Variants in DHX29 observed in about 807,000 individuals in gnomAD.
The protein encoded by DHX29 is ATP-dependent RNA helicase DHX29.
Under a neutral mutation model 167.9 loss-of-function variants are expected in DHX29, and 79 were observed. The observed-to-expected ratio is 0.47, with a 90% CI of 0.39 to 0.57. DHX29 has a LOEUF of 0.57. Among genes scored for constraint, DHX29 ranks in the 20% least tolerant of loss-of-function variants. The pLI is 0.00. For missense variants in DHX29, 1,347 were observed against 1,593.4 expected, an observed-to-expected ratio of 0.85 and a Z score of 2.63; for synonymous variants, 530 against 546.0, an observed-to-expected ratio of 0.97 and a Z score of 0.41.
chr5:55,266,105 T>C (rs1221852252), intron 23 of DHX29, among the ~76,000 whole-genome samples: 1 of 151,994 alleles, frequency 6.6e-6, no homozygotes, highest in Non-Finnish European at 1.5e-5. Flanking sequence ...GTGCAAGCAA[T>C]TCTCTGCCTC....
chr5:55,277,244 A>C lies in DHX29; in HGVS notation c.2148T>G (p.Ile716Met). 1 of 1,609,426 alleles carries C rather than the reference A, an allele frequency of 6.2e-7. No homozygotes were observed. Among genetic ancestry groups the C allele is most frequent in the Non-Finnish European group, 8.5e-7 (1 of 1,176,902 alleles). ...GTTTCTGTAAAATTTCCTTCAAGAT[A>C]ATTAGTAGGAAGTCTGACTGGACAC... The part of the protein sequence containing the change: ...ERSVQSDFLL[I>M]ILKEILQKRS... The change falls in exon 13 of 27, where the codon ATT becomes ATG. Residue 716 changes from isoleucine to methionine, a missense_variant. Transcript: ENST00000251636.
chr5:55,273,571 T>G (rs1246567228), intron 16 of DHX29, 194 bp from the exon 17 acceptor site: 1 of 609,824 alleles, frequency 1.6e-6, no homozygotes, highest in East Asian at 3.7e-5. Flanking sequence ...AAACAAATTA[T>G]GCGAATAGGA....
intron 7 of DHX29, 85 bp from the exon 8 acceptor site, chr5:55,289,513 C>T (rs1331708432): frequency 1.2e-5 from 13 of 1,126,678 alleles, no homozygotes; most frequent in African/African-American, 1.7e-5. Context: ...GGTATTTATA[C>T]ACCAAGAGTT....
At chr5:55,305,638 T>C (rs1210010439) in intron 1 of DHX29, among the ~76,000 whole-genome samples, 1 of 152,128 alleles carries the variant, frequency 6.6e-6, no homozygotes, top group Non-Finnish European at 1.5e-5. Context: ...AAGACTTCGT[T>C]GCTACTCCAG....
chr5:55,290,196 C>G lies in DHX29; in HGVS notation c.907+22G>C, dbSNP rs1314002985. 1.8e-5 allele frequency: 28 copies of G among 1,596,172 alleles called. No homozygotes were observed. The Admixed American group carries it at 4.9e-4, about 28-fold the overall frequency. ...ATAGAAGACAATTACATTTATACATCTAAGTATTTGAAAGTGTTTACCTCT... is the reference window on the plus strand; with the variant it reads ...ATAGAAGACAATTACATTTATACATGTAAGTATTTGAAAGTGTTTACCTCT... On this transcript the variant is annotated intron_variant, in intron 7 of 26. Transcript: ENST00000251636.
At chr5:55,286,442 T>G (rs1747734834) in intron 8 of DHX29, among the ~76,000 whole-genome samples, 1 of 152,150 alleles carries the variant, frequency 6.6e-6, no homozygotes, top group Admixed American at 6.5e-5. Context: ...CTTAGGATAC[T>G]ACAAATTGCA....
Position 55,296,237 on chromosome 5 carries a change from C to G in DHX29, c.488G>C (p.Cys163Ser), listed in dbSNP as rs770382930. 2.0e-5 allele frequency: 32 copies of G among 1,612,446 alleles called. No homozygotes were observed. Among genetic ancestry groups the G allele is most frequent in the Non-Finnish European group, 2.4e-5 (28 of 1,179,366 alleles). The stretch of plus-strand genomic sequence containing the variant: ...TTGTTTACCATCTGAAAGGTTTAAA[C>G]AGAGCCAATCCAAGGCAGAATGAAG... ...GDLHSALDWL[C>S]LNLSDDALPE... Residue 163 changes from cysteine (C) to serine (S), a missense_variant, in exon 4 of 27, where the codon TGT (cysteine) becomes TCT (serine). Coordinates refer to ENST00000251636, the MANE Select transcript of DHX29 (RefSeq NM_019030.4).
intron 23 of DHX29, among the ~76,000 whole-genome samples, chr5:55,264,960 C>T (rs1425598290): frequency 2.0e-5 from 3 of 151,624 alleles, no homozygotes; most frequent in Non-Finnish European, 2.9e-5. Flanking sequence ...ACAATAGGTC[C>T]GAGTGTTATC....
At chr5:55,302,586 C>T (rs1285650276) in intron 1 of DHX29, among the ~76,000 whole-genome samples, 1 of 141,968 alleles carries the variant, frequency 7.0e-6, no homozygotes, top group Non-Finnish European at 1.5e-5. Flanking sequence ...GACAGAGTGA[C>T]CCTATCAAAA....
intron 11 of DHX29, 86 bp downstream of exon 11, chr5:55,283,117 T>C: frequency 6.9e-7 from 1 of 1,439,332 alleles, no homozygotes; most frequent in Non-Finnish European, 9.3e-7. Flanking sequence ...AAAACTCACA[T>C]ATGGTACACA....
Position 55,290,302 on chromosome 5 carries a change from T to C in DHX29, c.823A>G (p.Lys275Glu). ...AGTTTAAAGGTAGCTGCTTGTTCTTTTGCATCCAGCAGTTTTGCTGCAAGA... is the reference window on the plus strand; with the variant it reads ...AGTTTAAAGGTAGCTGCTTGTTCTTCTGCATCCAGCAGTTTTGCTGCAAGA... ...LHLAAKLLDA[K>E]EQAATFKLEK... The change falls in exon 7 of 27, where the codon AAA becomes GAA. Residue 275 changes from lysine (K) to glutamate (E), a missense_variant. Transcript: ENST00000251636. 6.2e-6 allele frequency: 10 copies of C among 1,612,382 alleles called. No individual in the cohort carries two copies. Among genetic ancestry groups the C allele is most frequent in the Non-Finnish European group, 8.5e-6 (10 of 1,179,752 alleles).
At chr5:55,296,109 G>T in intron 4 of DHX29, 111 bp downstream of exon 4, 1 of 1,178,206 alleles carries the variant, frequency 8.5e-7, no homozygotes, top group Non-Finnish European at 1.2e-6. Context: ...CACTTTAAAA[G>T]TAAATAATTA....
In DHX29 at chr5:55,262,762, G is replaced by T. The variant is rs1225536263; in HGVS notation, c.3696C>A (p.Ile1232=). 6.2e-7 allele frequency: 1 copy of T among 1,614,064 alleles called. No individual in the cohort carries two copies. Among genetic ancestry groups the T allele is most frequent in the Non-Finnish European group, 8.5e-7 (1 of 1,179,996 alleles). ...CTGTAACATCCACTGACTTTGTATAGATTATCTTCCCCACATTGTCATACA... is the reference window on the plus strand; with the variant it reads ...CTGTAACATCCACTGACTTTGTATATATTATCTTCCCCACATTGTCATACA... ...AGLYDNVGKI[I]YTKSVDVTEK... is the part of the protein sequence containing the mutation. Residue 1232 remains isoleucine (I), a synonymous_variant, in exon 24 of 27, where the codon ATC becomes ATA. Coordinates refer to ENST00000251636, the MANE Select transcript of DHX29 (RefSeq NM_019030.4).
chr5:55,257,983 A>G (rs959408907), intron 26 of DHX29, among the ~76,000 whole-genome samples: 6 of 152,228 alleles, frequency 3.9e-5, no homozygotes, highest in African/African-American at 1.4e-4. Context: ...AAATTAATAC[A>G]TTTTAATGCT....
chr5:55,292,426 T>G (rs1462874255), intron 6 of DHX29, among the ~76,000 whole-genome samples: 1 of 152,176 alleles, frequency 6.6e-6, no homozygotes, highest in African/African-American at 2.4e-5. Flanking sequence ...GATATGAACC[T>G]TTATTATCTC....
In DHX29 at chr5:55,295,588, T is replaced by G. The variant is rs773151332; in HGVS notation, c.506-64A>C. 585 of 1,536,760 alleles carry G rather than the reference T, an allele frequency of 3.8e-4. 2 individuals are homozygous for G. Among genetic ancestry groups the G allele is most frequent in the Non-Finnish European group, 4.9e-4 (549 of 1,131,548 alleles). On this transcript the variant is annotated intron_variant, in intron 4 of 26. Transcript: ENST00000251636. ...TATGATACATAAAACACACAAATAT[T>G]TGTTAAGCATTTGTAAACCTTGCCT... is the stretch of plus-strand genomic sequence containing the variant.
chr5:55,290,323 C>A lies in DHX29; in HGVS notation c.802G>T (p.Ala268Ser). ...TCTTTTGCATCCAGCAGTTTTGCTG[C>A]AAGATGTAAGTACCTTTCATTCTGT... ...FDPNERYLHL[A>S]AKLLDAKEQA... Residue 268 changes from alanine to serine, a missense_variant, in exon 7 of 27, where the codon GCA (alanine) becomes TCA (serine). By Grantham distance (99) the Ala-to-Ser change is moderately conservative. Transcript: ENST00000251636. 1.2e-6 allele frequency: 2 copies of A among 1,609,390 alleles called. No individual in the cohort carries two copies. Among genetic ancestry groups the A allele is most frequent in the African/African-American group, 2.7e-5 (2 of 74,512 alleles).
intron 1 of DHX29, among the ~76,000 whole-genome samples, chr5:55,299,335 T>G (rs904940170): frequency 6.6e-6 from 1 of 152,190 alleles, no homozygotes; most frequent in African/African-American, 2.4e-5. Flanking sequence ...AGATGGACAA[T>G]TTTAAAGAGA....
intron 1 of DHX29, among the ~76,000 whole-genome samples, chr5:55,299,504 C>G (rs1404218609): frequency 2.0e-5 from 3 of 152,138 alleles, no homozygotes; most frequent in African/African-American, 7.2e-5. Context: ...GAAATTTATT[C>G]TCTCACAATT....
Sources: gnomAD v4.1 joint callset for allele counts (sites outside exome capture counted in the v4.1 genomes callset) on GRCh38, gnomAD v4.1.1 for gene constraint, MANE v1.5 for transcripts, NCBI Gene and HGNC (gene_info 2026-07-23, HGNC 2026-07-21) for gene names.